Variants in PTCD2 observed in about 807,000 individuals in gnomAD.
PTCD2 encodes pentatricopeptide repeat-containing protein 2, mitochondrial.
Under a neutral mutation model 42.6 loss-of-function variants are expected in PTCD2, and 31 were observed. The ratio of observed to expected loss-of-function variants is 0.73; its 90% CI spans 0.55 to 0.98. The LOEUF (loss-of-function observed/expected upper bound fraction) is 0.98. Among genes scored for constraint, PTCD2 ranks in the 50% least tolerant of loss-of-function variants. The probability of loss-of-function intolerance (pLI) is 0.00; values close to 1 mark genes in which losing one functional copy is unlikely to be tolerated. For synonymous variants in PTCD2, 183 were observed against 170.9 expected, an observed-to-expected ratio of 1.07 and a Z score of -0.55; for missense variants, 476 against 454.8, an observed-to-expected ratio of 1.05 and a Z score of -0.42.
At position 72,366,006 on chromosome 5, in the gene PTCD2, G is replaced by C. The variant is rs1343335122; in HGVS notation, c.*7579G>C. 1 of 152,212 alleles carries C rather than the reference G, an allele frequency of 6.6e-6. No individual in the cohort carries two copies. The highest frequency in any genetic ancestry group is 6.5e-5 in the Admixed American group (1 of 15,280). 9.4% of individuals were successfully genotyped at this position (152,212 alleles called of 1,614,324 possible). ...AGGCAGGCAGATCACCTGAGGTCAG[G>C]GGTTCTAGACCAGCCTGGCCAGCAT... On this transcript the variant is annotated 3_prime_UTR_variant, in exon 10 of 10. Transcript: ENST00000380639.
At chr5:72,325,531 T>C (rs1332966115) in intron 2 of PTCD2, among the ~76,000 whole-genome samples, 1 of 152,222 alleles carries the variant, frequency 6.6e-6, no homozygotes, top group Non-Finnish European at 1.5e-5. Context: ...GTGGCCGAGC[T>C]TAGATTTCAG....
In PTCD2 at chr5:72,331,420, G is replaced by A. The variant is rs754636678; in HGVS notation, c.468+45G>A. The A allele has an allele frequency of 1.7e-5, 23 of 1,342,692 alleles. No homozygotes were observed. In the East Asian group the frequency reaches 5.3e-4, roughly 31 times the overall value. 83.2% of individuals were successfully genotyped at this position (1,342,692 alleles called of 1,614,324 possible). ...TTTCTCTGCCAATGTGTGTGTTTTT[G>A]GTGATATTGGAAAAGGCATGTCTTC... is the stretch of plus-strand genomic sequence containing the variant. On this transcript the variant is annotated intron_variant, in intron 4 of 9. Transcript: ENST00000380639.
intron 8 of PTCD2, among the ~76,000 whole-genome samples, chr5:72,347,439 A>C (rs1752412431): frequency 6.6e-6 from 1 of 152,192 alleles, no homozygotes; most frequent in African/African-American, 2.4e-5. Context: ...TAATCTCAGC[A>C]CTTTGGAAGG....
Position 72,361,427 on chromosome 5 carries a change from T to C in PTCD2, c.*3000T>C, listed in dbSNP as rs1219943236. 2 of 152,184 alleles carry C rather than the reference T, an allele frequency of 1.3e-5. No individual in the cohort carries two copies. 9.4% of individuals were successfully genotyped at this position (152,184 alleles called of 1,614,324 possible). ...CTCAGCTAGTGCTGGGGCTGGAACATGTCTACACATAGCTTCCCCACAGCA... is the reference window on the plus strand; with the variant it reads ...CTCAGCTAGTGCTGGGGCTGGAACACGTCTACACATAGCTTCCCCACAGCA... On this transcript the variant is annotated 3_prime_UTR_variant, in exon 10 of 10. Transcript: ENST00000380639.
chr5:72,324,899 G>A (rs1038979111), intron 2 of PTCD2, among the ~76,000 whole-genome samples: 2 of 151,670 alleles, frequency 1.3e-5, no homozygotes, highest in African/African-American at 4.8e-5. Context: ...AGTTATATCT[G>A]TTGAAATACT....
chr5:72,358,077 G>A (rs1340013067), intron 9 of PTCD2, 126 bp from the exon 10 acceptor site: 1 of 840,464 alleles, frequency 1.2e-6, no homozygotes, highest in African/African-American at 1.7e-5. Context: ...TTAGATTAAA[G>A]CATGGGCCAC....
intron 2 of PTCD2, among the ~76,000 whole-genome samples, chr5:72,322,557 C>T (rs1435330338): frequency 6.6e-6 from 1 of 152,144 alleles, no homozygotes; most frequent in Non-Finnish European, 1.5e-5. Context: ...GTTTGAGGAC[C>T]AGCGGCATCA....
intron 8 of PTCD2, among the ~76,000 whole-genome samples, chr5:72,352,319 TG>T (rs1787819548): frequency 6.6e-6 from 1 of 152,152 alleles, no homozygotes; most frequent in Non-Finnish European, 1.5e-5. Context: ...GGCTAATTTT[TG>T]TATTTTTAGT....
intron 9 of PTCD2, among the ~76,000 whole-genome samples, chr5:72,357,437 G>T (rs1335515480): frequency 6.6e-6 from 1 of 152,078 alleles, no homozygotes; most frequent in Non-Finnish European, 1.5e-5. Context: ...CTGGGCTATG[G>T]TGTGGGCCTC....
chr5:72,347,332 C>T (rs1302996165), intron 8 of PTCD2, among the ~76,000 whole-genome samples: 5 of 152,304 alleles, frequency 3.3e-5, no homozygotes, highest in African/African-American at 1.2e-4. Flanking sequence ...GCATGTAAGC[C>T]ACCTCTGGAT....
intron 8 of PTCD2, among the ~76,000 whole-genome samples, chr5:72,348,337 A>T (rs1278047705): frequency 6.6e-6 from 1 of 152,240 alleles, no homozygotes. Flanking sequence ...CAGTATTCAC[A>T]GAAATCAATG....
At position 72,368,254 on chromosome 5, in the gene PTCD2, C is replaced by T. The variant is rs1438597411; in HGVS notation, c.*9827C>T. 3 of 152,296 alleles carry T rather than the reference C, an allele frequency of 2.0e-5. No homozygotes were observed. In the East Asian group the frequency reaches 5.8e-4, roughly 29 times the overall value. The allele number at this position is 152,296 out of a possible 1,614,324, so 9.4% of individuals were successfully genotyped here. A position where few individuals can be genotyped will look rare whatever the true frequency, so the allele number is the denominator to read the frequency against. ...TAAGCCCAAGTAGCAAATTTCCTGA[C>T]CCCATTTTAAAGGTTCTGAGACAGA... On this transcript the variant is annotated 3_prime_UTR_variant, in exon 10 of 10. Transcript: ENST00000380639.
intron 8 of PTCD2, among the ~76,000 whole-genome samples, chr5:72,347,622 G>A (rs1228642772): frequency 6.6e-6 from 1 of 152,192 alleles, no homozygotes; most frequent in Admixed American, 6.5e-5. Context: ...GGGAGGCGGA[G>A]GCTGCTGTGA....
intron 2 of PTCD2, among the ~76,000 whole-genome samples, chr5:72,323,621 G>A (rs1231685349): frequency 1.3e-5 from 2 of 151,888 alleles, no homozygotes; most frequent in Non-Finnish European, 2.9e-5. Flanking sequence ...ATGTTTGTGA[G>A]CTCCTGATTA....
chr5:72,333,759 TCAC>T (rs1751566721), intron 4 of PTCD2, among the ~76,000 whole-genome samples: 1 of 152,254 alleles, frequency 6.6e-6, no homozygotes, highest in South Asian at 2.1e-4. Context: ...TTATGTACTT[TCAC>T]CACACAAAAT....
intron 8 of PTCD2, among the ~76,000 whole-genome samples, chr5:72,346,068 G>A (rs1345158547): frequency 2.6e-5 from 4 of 152,328 alleles, no homozygotes; most frequent in Admixed American, 1.3e-4. Context: ...GGCAAGAAGT[G>A]TGCAATAAGA....
chr5:72,358,695 G>C lies in PTCD2; in HGVS notation c.*268G>C, dbSNP rs73761771. ...CCTTGAAGGAACCTGGTCAGTCTCC[G>C]GTTCAGCTTCCGACACCAGAGTGGA... is the stretch of plus-strand genomic sequence containing the variant. On this transcript the variant is annotated 3_prime_UTR_variant, in exon 10 of 10. Transcript: ENST00000380639. 2.1e-6 allele frequency: 1 copy of C among 477,998 alleles called. No homozygotes were observed. Among genetic ancestry groups the C allele is most frequent in the East Asian group, 3.7e-5 (1 of 27,306 alleles). The allele number at this position is 477,998 out of a possible 1,614,324, so 29.6% of individuals were successfully genotyped here.
At chr5:72,326,193 C>G (rs902054408) in intron 2 of PTCD2, among the ~76,000 whole-genome samples, 6 of 152,218 alleles carry the variant, frequency 3.9e-5, no homozygotes, top group African/African-American at 1.4e-4. Context: ...CCATTTGGTT[C>G]TCTGCCAGTT....
rs765224743 is a variant in PTCD2, at chr5:72,352,671, G to C, written c.859G>C (p.Glu287Gln). Residue 287 changes from glutamate to glutamine, a missense_variant, in exon 9 of 10, where the codon GAA becomes CAA. Transcript: ENST00000380639. Reference protein sequence around the residue: ...IIIHIQSNMLENLIKTLKNAA... With the variant: ...IIIHIQSNMLQNLIKTLKNAA... The stretch of plus-strand genomic sequence containing the variant: ...AATCCATATCCAGTCAAATATGTTG[G>C]AAAACCTGATAAAGACTCTAAAAAA... 3.5e-5 allele frequency: 55 copies of C among 1,593,140 alleles called. No individual in the cohort carries two copies. The South Asian group carries it at 6.1e-4, about 18-fold the overall frequency.
Sources: gnomAD v4.1 joint callset for allele counts (sites outside exome capture counted in the v4.1 genomes callset) on GRCh38, gnomAD v4.1.1 for gene constraint, MANE v1.5 for transcripts, NCBI Gene and HGNC (gene_info 2026-07-23, HGNC 2026-07-21) for gene names.